Variants in PCDHGB3 observed in about 807,000 individuals in gnomAD.
The protein encoded by PCDHGB3 is protocadherin gamma-B3.
Under a neutral mutation model 59.2 loss-of-function variants are expected in PCDHGB3, and 40 were observed. The observed-to-expected ratio is 0.68, with a 90% confidence interval of 0.52 to 0.88. The LOEUF is 0.88. Ranked by LOEUF, PCDHGB3 falls within the 40% of genes least tolerant of loss-of-function variation. The pLI, the probability that PCDHGB3 is intolerant of heterozygous loss-of-function variation, is 0.00. For synonymous variants in PCDHGB3, 581 were observed against 503.6 expected (o/e 1.15, Z -2.06); for missense variants, 1,309 against 1,187.9 (o/e 1.10, Z -1.50).
intron 1 of PCDHGB3, among the ~76,000 whole-genome samples, chr5:141,373,736 A>G (rs1260777730): frequency 6.6e-6 from 1 of 152,226 alleles, no homozygotes. Flanking sequence ...TAAATGCTTC[A>G]TTATCTTGGG....
chr5:141,486,706 C>T lies in PCDHGB3; in HGVS notation c.2416-8101C>T. 1.2e-6 allele frequency: 2 copies of T among 1,614,154 alleles called. No homozygotes were observed. Among genetic ancestry groups the T allele is most frequent in the Admixed American group, 1.7e-5 (1 of 60,020 alleles). On this transcript the variant is annotated intron_variant, in intron 1 of 3. Transcript: ENST00000576222. This position sits in a 1 kb window ranked among gnomAD's most constrained non-coding sequence, Gnocchi z 5.0. ...CAGCTTCCTCTTTCATCTCTCTGAACCCCCAGACAGGAGCTGTTCATGCTA... is the reference window on the plus strand; with the variant it reads ...CAGCTTCCTCTTTCATCTCTCTGAATCCCCAGACAGGAGCTGTTCATGCTA...
At chr5:141,404,469 C>T (rs1239367876) in intron 1 of PCDHGB3, 3 of 1,612,966 alleles carry the variant, frequency 1.9e-6, no homozygotes, top group African/African-American at 1.3e-5. Flanking sequence ...ACCTATGTCT[C>T]TATTAACTCA....
intron 1 of PCDHGB3, among the ~76,000 whole-genome samples, chr5:141,453,261 A>G (rs1387512741): frequency 6.6e-6 from 1 of 152,028 alleles, no homozygotes; most frequent in Non-Finnish European, 1.5e-5. Context: ...CTGCAAGTGC[A>G]CACCACCATG....
At chr5:141,507,084 T>G (rs2099858284) in intron 3 of PCDHGB3, 1 of 152,142 alleles carries the variant, frequency 6.6e-6, no homozygotes, top group African/African-American at 2.4e-5. Flanking sequence ...ACTCCTAAGT[T>G]TATGCTCTTT....
intron 2 of PCDHGB3, among the ~76,000 whole-genome samples, chr5:141,498,956 A>G (rs547381859): frequency 2.4e-5 from 3 of 124,058 alleles, no homozygotes; most frequent in African/African-American, 6.3e-5. Context: ...AAAAAGAGAG[A>G]GAGGGAGGGA....
rs749347013 is a variant in PCDHGB3, at chr5:141,476,739, C to G, written c.2416-18068C>G. 6.2e-7 allele frequency: 1 copy of G among 1,614,068 alleles called. No individual in the cohort carries two copies. Among genetic ancestry groups the G allele is most frequent in the South Asian group, 1.1e-5 (1 of 91,088 alleles). On this transcript the variant is annotated intron_variant, in intron 1 of 3. Transcript: ENST00000576222. The surrounding 1 kb of genome is among the most constrained non-coding windows in gnomAD (Gnocchi z 7.6). Reference sequence around the variant, plus strand: ...CGCGCCCTGGACCGAGAACGGGAGCCTAGTCTCCAGTTAGTGCTGACGGCG... The same window carrying G: ...CGCGCCCTGGACCGAGAACGGGAGCGTAGTCTCCAGTTAGTGCTGACGGCG...
intron 1 of PCDHGB3, chr5:141,384,916 G>T (rs1215010105): frequency 1.2e-6 from 2 of 1,613,886 alleles, no homozygotes; most frequent in Non-Finnish European, 1.7e-6. Flanking sequence ...CGAAGTCTTG[G>T]CCGACCTGGG....
chr5:141,376,493 C>T (rs1772744309), intron 1 of PCDHGB3: 1 of 1,614,130 alleles, frequency 6.2e-7, no homozygotes, highest in Non-Finnish European at 8.5e-7. Flanking sequence ...GAAAGGAGAA[C>T]CCAGGCAACT....
chr5:141,415,496 T>C, intron 1 of PCDHGB3: 1 of 1,614,070 alleles, frequency 6.2e-7, no homozygotes. Flanking sequence ...CACCTGATCT[T>C]CCCCCAGCCC....
intron 1 of PCDHGB3, chr5:141,427,998 C>G: frequency 6.2e-7 from 1 of 1,600,956 alleles, no homozygotes; most frequent in Non-Finnish European, 8.6e-7. Context: ...TGGCTCCGCA[C>G]TCTTCGATAT....
At chr5:141,400,420 T>C (rs1323719998) in intron 1 of PCDHGB3, 1 of 1,613,936 alleles carries the variant, frequency 6.2e-7, no homozygotes, top group Non-Finnish European at 8.5e-7. Context: ...TTTCCTAAAA[T>C]GTAGTGAGCA....
chr5:141,487,258 G>A lies in PCDHGB3; in HGVS notation c.2416-7549G>A, dbSNP rs368598017. The A allele has an allele frequency of 3.7e-6, 6 of 1,614,026 alleles. No homozygotes were observed. Among genetic ancestry groups the A allele is most frequent in the Non-Finnish European group, 4.2e-6 (5 of 1,180,030 alleles). On this transcript the variant is annotated intron_variant, in intron 1 of 3. Transcript: ENST00000576222. The surrounding 1 kb of genome is among the most constrained non-coding windows in gnomAD (Gnocchi z 5.0). ...CTCGTCTAACCCTCTACTTGGCTGT[G>A]TCCCTAGTGGCAATTTGCTTTGTCT...
Position 141,431,999 on chromosome 5 carries a change from C to G in PCDHGB3, c.2415+59190C>G. The G allele has an allele frequency of 6.2e-7, 1 of 1,614,158 alleles. No homozygotes were observed. The highest frequency in any genetic ancestry group is 1.1e-5 in the South Asian group (1 of 91,086). On this transcript the variant is annotated intron_variant, in intron 1 of 3. Transcript: ENST00000576222. This position sits in a 1 kb window ranked among gnomAD's most constrained non-coding sequence, Gnocchi z 4.8. ...CACAGACATAGTCTTGGATAGGGAA[C>G]AGGTTCCTAGCTACAACATCACAGT... is the stretch of plus-strand genomic sequence containing the variant.
In PCDHGB3 at chr5:141,493,985, C is replaced by A. The variant is rs1444608753; in HGVS notation, c.2416-822C>A. On this transcript the variant is annotated intron_variant, in intron 1 of 3. Coordinates refer to ENST00000576222, the MANE Select transcript of PCDHGB3 (RefSeq NM_018924.5). This position sits in a 1 kb window ranked among gnomAD's most constrained non-coding sequence, Gnocchi z 4.3. ...GCTGGCCAGAGCCCCACACCTTCAGCTAGGTGGGAGATGGCTACACATCAG... is the reference window on the plus strand; with the variant it reads ...GCTGGCCAGAGCCCCACACCTTCAGATAGGTGGGAGATGGCTACACATCAG... Among the ~76,000 whole-genome samples the A allele has an allele frequency of 6.6e-6, 1 of 152,196 alleles. No individual in the cohort carries two copies. The highest frequency in any genetic ancestry group is 1.5e-5 in the Non-Finnish European group (1 of 68,032).
At chr5:141,404,508 C>T (rs2154535422) in intron 1 of PCDHGB3, 2 of 1,613,964 alleles carry the variant, frequency 1.2e-6, no homozygotes, top group Non-Finnish European at 1.7e-6. Flanking sequence ...GCTCTGTGCT[C>T]CTTTGACTAT....
At chr5:141,384,893 C>G in intron 1 of PCDHGB3, 2 of 1,613,890 alleles carry the variant, frequency 1.2e-6, no homozygotes, top group Non-Finnish European at 1.7e-6. Context: ...GTGGCTGTGG[C>G]TGACAGCATC....
chr5:141,427,568 T>A (rs1260622772), intron 1 of PCDHGB3: 1 of 660,576 alleles, frequency 1.5e-6, no homozygotes, highest in Admixed American at 2.1e-5. Flanking sequence ...AGGGCAAGCC[T>A]CCGCTCTCAT....
chr5:141,453,732 C>T (rs182118864), intron 1 of PCDHGB3, among the ~76,000 whole-genome samples: 9 of 152,332 alleles, frequency 5.9e-5, no homozygotes. Context: ...TTTGTTACTA[C>T]AGCTTAAATA....
intron 1 of PCDHGB3, chr5:141,374,954 A>G: frequency 6.2e-7 from 1 of 1,613,990 alleles, no homozygotes. Flanking sequence ...GATCTCACAA[A>G]TTTTCTGTTT....
Sources: allele counts gnomAD v4.1 joint callset (sites outside exome capture counted in the v4.1 genomes callset), GRCh38; gene constraint gnomAD v4.1.1; non-coding constraint Gnocchi (gnomAD v3.1); transcripts MANE v1.5; gene names NCBI Gene and HGNC (gene_info 2026-07-23, HGNC 2026-07-21).